The following BCAS3 variants were observed in gnomAD, a reference collection of about 807,000 sequenced individuals.
BCAS3 encodes BCAS3 microtubule associated cell migration factor, also known as BCAS4/BCAS3 fusion.
BCAS3 carries 53 observed loss-of-function variants against 116.1 expected under a neutral mutation model. The ratio of observed to expected loss-of-function variants is 0.46; its 90% CI spans 0.37 to 0.57. BCAS3 has a LOEUF of 0.57. BCAS3 is among the 20% of genes least tolerant of loss of function. The pLI is 0.00. For missense variants in BCAS3, 917 were observed against 1,165.4 expected (o/e 0.79, Z 3.10); for synonymous variants, 391 against 408.2 (o/e 0.96, Z 0.51).
chr17:61,058,054 G>A (rs944631899), intron 19 of BCAS3, among the ~76,000 whole-genome samples: 2 of 151,936 alleles, frequency 1.3e-5, no homozygotes, highest in Non-Finnish European at 2.9e-5. Flanking sequence ...TTTATCAAAA[G>A]TTTTAATTTT....
intron 9 of BCAS3, among the ~76,000 whole-genome samples, chr17:60,875,093 G>T (rs566665708): frequency 1.3e-5 from 2 of 152,024 alleles, no homozygotes; most frequent in African/African-American, 2.4e-5. Flanking sequence ...CTTTACATAT[G>T]AGCAAAATTT....
At chr17:60,900,934 C>CGTG (rs1439864376) in intron 10 of BCAS3, among the ~76,000 whole-genome samples, 1 of 151,906 alleles carries the variant, frequency 6.6e-6, no homozygotes, top group African/African-American at 2.4e-5. Flanking sequence ...TAGGGCTGGG[C>CGTG]GTGGTGGCTC....
chr17:61,160,431 G>A (rs747442326), intron 22 of BCAS3, among the ~76,000 whole-genome samples: 3 of 152,074 alleles, frequency 2.0e-5, no homozygotes, highest in Non-Finnish European at 4.4e-5. Context: ...ACTTGCTGGG[G>A]CATCATGGCA....
chr17:61,127,825 C>A, intron 22 of BCAS3, among the ~76,000 whole-genome samples: 1 of 149,548 alleles, frequency 6.7e-6, no homozygotes, highest in Non-Finnish European at 1.5e-5. Flanking sequence ...AGGAAGGGGG[C>A]TACAAAGTTA....
chr17:60,968,982 T>C (rs540697278), intron 14 of BCAS3, among the ~76,000 whole-genome samples: 2 of 144,920 alleles, frequency 1.4e-5, no homozygotes, highest in South Asian at 4.7e-4. Context: ...TTTTCCAGTA[T>C]AGTCACCATG....
At chr17:60,818,146 C>T (rs1382020570) in intron 7 of BCAS3, among the ~76,000 whole-genome samples, 1 of 152,134 alleles carries the variant, frequency 6.6e-6, no homozygotes, top group Non-Finnish European at 1.5e-5. Context: ...TGAGCCATTG[C>T]ACCCAGCTGA....
chr17:61,169,340 C>T (rs1262612647), intron 22 of BCAS3, among the ~76,000 whole-genome samples: 1 of 152,162 alleles, frequency 6.6e-6, no homozygotes, highest in Admixed American at 6.5e-5. Flanking sequence ...TTTATGTGCC[C>T]AGTCCTTTAC....
chr17:61,321,044 A>G (rs1333657060), intron 22 of BCAS3, among the ~76,000 whole-genome samples: 1 of 152,248 alleles, frequency 6.6e-6, no homozygotes, highest in Non-Finnish European at 1.5e-5. Flanking sequence ...AAGATTTTCC[A>G]TAACATCCAG....
Position 61,233,435 on chromosome 17 carries a change from A to G in BCAS3, c.2426-134892A>G, listed in dbSNP as rs979387448. On this transcript the variant is annotated intron_variant, in intron 22 of 23. Coordinates refer to ENST00000407086, the MANE Select transcript of BCAS3 (RefSeq NM_017679.5). This position sits in a 1 kb window ranked among gnomAD's most constrained non-coding sequence, Gnocchi z 4.3. ...ATTGGTTCATCGTCCAGATCTAAAA[A>G]TGATTGTTAATTTGAGTTATTGTGC... Among the ~76,000 whole-genome samples the G allele has an allele frequency of 2.0e-5, 3 of 152,242 alleles. No individual in the cohort carries two copies. Among genetic ancestry groups the G allele is most frequent in the African/African-American group, 7.2e-5 (3 of 41,462 alleles).
intron 7 of BCAS3, among the ~76,000 whole-genome samples, chr17:60,859,954 A>C (rs1489895373): frequency 1.3e-5 from 2 of 152,206 alleles, no homozygotes; most frequent in Non-Finnish European, 2.9e-5. Flanking sequence ...TAGTGCTGCA[A>C]AGAACATAGG....
In BCAS3 at chr17:61,118,643, T is replaced by C. The variant is rs1021952612; in HGVS notation, c.2425+34079T>C. ...CTGTGGGTGGTGGGGGTGCTGCAAG[T>C]TTTTGTGTGGCGTTTGGGTAGAGAG... On this transcript the variant is annotated intron_variant, in intron 22 of 23. Transcript: ENST00000407086. This position sits in a 1 kb window ranked among gnomAD's most constrained non-coding sequence, Gnocchi z 5.0. Among the ~76,000 whole-genome samples, 14 of 152,066 alleles carry C rather than the reference T, an allele frequency of 9.2e-5. No individual in the cohort carries two copies. The highest frequency in any genetic ancestry group is 3.4e-4 in the African/African-American group (14 of 41,414).
intron 22 of BCAS3, among the ~76,000 whole-genome samples, chr17:61,320,598 C>G (rs1390144705): frequency 6.6e-6 from 1 of 151,852 alleles, no homozygotes; most frequent in African/African-American, 2.4e-5. Flanking sequence ...ACGGCATGAA[C>G]CCGGGAGGCG....
chr17:60,973,674 C>A (rs2062115995), intron 14 of BCAS3, among the ~76,000 whole-genome samples: 1 of 151,216 alleles, frequency 6.6e-6, no homozygotes, highest in Admixed American at 6.6e-5. Flanking sequence ...CTCACTGCAA[C>A]CTCCACCTCC....
intron 22 of BCAS3, among the ~76,000 whole-genome samples, chr17:61,154,124 G>A (rs537060180): frequency 1.3e-5 from 2 of 152,250 alleles, no homozygotes; most frequent in African/African-American, 2.4e-5. Flanking sequence ...GATATTTGTC[G>A]CACTGCCTTC....
chr17:60,929,798 C>T (rs1172347084), intron 13 of BCAS3, among the ~76,000 whole-genome samples: 1 of 147,280 alleles, frequency 6.8e-6, no homozygotes, highest in African/African-American at 2.5e-5. Flanking sequence ...CAATTCCCAC[C>T]TGTGAGTGAG....
intron 22 of BCAS3, among the ~76,000 whole-genome samples, chr17:61,299,098 C>T (rs1030261674): frequency 2.0e-5 from 3 of 151,562 alleles, no homozygotes; most frequent in Admixed American, 1.3e-4. Context: ...GCTGGGATTA[C>T]AGGCATGAGC....
rs1237965285 is a variant in BCAS3, at chr17:61,049,730, C to CTTTTCTTTTCTTTTCT, written c.2029+8842_2029+8843insCTTTTCTTTTCTTTTT. 2.0e-3 allele frequency among the ~76,000 whole-genome samples: 241 copies of CTTTTCTTTTCTTTTCT among 120,830 alleles called. 1 individual carries two copies. The highest frequency in any genetic ancestry group is 8.2e-3 in the African/African-American group (231 of 28,258). The allele number at this position is 120,830 out of a possible 152,430, so 79.3% of individuals were successfully genotyped here. On this transcript the variant is annotated intron_variant, in intron 19 of 23. Transcript: ENST00000407086. ...TTTTTCTTTTCTTTTCTTTTCTTTTCTTTTTTTTTTTTTTTTTTTGAGACG... is the reference window on the plus strand; with the variant it reads ...TTTTTCTTTTCTTTTCTTTTCTTTTCTTTTCTTTTCTTTTCTTTTTTTTTTTTTTTTTTTTGAGACG...
chr17:61,305,031 A>G (rs1030425981), intron 22 of BCAS3, among the ~76,000 whole-genome samples: 1 of 152,212 alleles, frequency 6.6e-6, no homozygotes, highest in African/African-American at 2.4e-5. Context: ...TGCTGGGATT[A>G]TAGGCATGAG....
At chr17:60,917,391 C>G (rs541935781) in intron 12 of BCAS3, among the ~76,000 whole-genome samples, 22 of 152,278 alleles carry the variant, frequency 1.4e-4, no homozygotes, top group Non-Finnish European at 2.9e-4. Context: ...AGGTATATCA[C>G]ATAGTGCAAT....
Sources: gnomAD v4.1 joint callset for allele counts (sites outside exome capture counted in the v4.1 genomes callset) on GRCh38, gnomAD v4.1.1 for gene constraint, Gnocchi (gnomAD v3.1) non-coding constraint, MANE v1.5 for transcripts, NCBI Gene and HGNC (gene_info 2026-07-23, HGNC 2026-07-21) for gene names.